SLC35F2: variants seen among roughly 807,000 people sequenced by gnomAD.
The protein encoded by SLC35F2 is queuine/queuosine transporter SLC35F2.
SLC35F2 carries 25 observed loss-of-function variants against 38.1 expected under a neutral mutation model. That is an observed-to-expected ratio of 0.66 (90% CI 0.48 to 0.92). SLC35F2 has a LOEUF of 0.92. Among genes scored for constraint, SLC35F2 ranks in the 40% least tolerant of loss-of-function variants. SLC35F2 has a pLI of 0.00. For synonymous variants in SLC35F2, 173 were observed against 181.7 expected, an observed-to-expected ratio of 0.95 and a Z score of 0.38; for missense variants, 409 against 452.9, an observed-to-expected ratio of 0.90 and a Z score of 0.88.
chr11:107,842,020 C>G (rs1275510291), intron 1 of SLC35F2, among the ~76,000 whole-genome samples: 1 of 147,386 alleles, frequency 6.8e-6, no homozygotes, highest in Non-Finnish European at 1.5e-5. Context: ...GAGCTGAGAT[C>G]GTGCCACTGC....
chr11:107,801,760 C>G (rs1310998697), intron 7 of SLC35F2, among the ~76,000 whole-genome samples: 1 of 152,086 alleles, frequency 6.6e-6, no homozygotes, highest in Non-Finnish European at 1.5e-5. Flanking sequence ...ATGATGCAAT[C>G]ATAAGCTTGA....
intron 7 of SLC35F2, among the ~76,000 whole-genome samples, chr11:107,799,073 C>T (rs1240524069): frequency 1.3e-5 from 2 of 152,162 alleles, no homozygotes; most frequent in Non-Finnish European, 2.9e-5. Context: ...GAGACTCTGT[C>T]GCAAACAAAA....
At chr11:107,829,863 A>C (rs1440281982) in intron 1 of SLC35F2, among the ~76,000 whole-genome samples, 1 of 152,180 alleles carries the variant, frequency 6.6e-6, no homozygotes, top group African/African-American at 2.4e-5. Context: ...TAGTGGTGCT[A>C]GCAAGACCTA....
chr11:107,827,387 G>T (rs1025412210), intron 1 of SLC35F2, among the ~76,000 whole-genome samples: 2 of 150,942 alleles, frequency 1.3e-5, no homozygotes, highest in African/African-American at 4.9e-5. Flanking sequence ...GGCCAAGGTG[G>T]GTGGATCACT....
rs111525462 is a variant in SLC35F2 at position 107,837,698 on chromosome 11, T to C, written c.110+20960A>G. Among the ~76,000 whole-genome samples, 421 of 151,736 alleles carry C rather than the reference T, an allele frequency of 2.8e-3. 2 individuals carry two copies. The highest frequency in any genetic ancestry group is 4.4e-3 in the Non-Finnish European group (298 of 67,880). ...GACAGAGTGAGAGTTTGTCTCAAAA[T>C]AAAAATAAAAAAGTAAATTAATTGT... On this transcript the variant is annotated intron_variant, in intron 1 of 7. Coordinates refer to ENST00000525815, the MANE Select transcript of SLC35F2 (RefSeq NM_017515.5).
At chr11:107,839,086 T>C (rs934626901) in intron 1 of SLC35F2, among the ~76,000 whole-genome samples, 2 of 152,210 alleles carry the variant, frequency 1.3e-5, no homozygotes, top group Non-Finnish European at 2.9e-5. Flanking sequence ...TTCCATACAC[T>C]ACTTCCCTGA....
intron 7 of SLC35F2, among the ~76,000 whole-genome samples, chr11:107,800,742 T>C (rs1161295774): frequency 6.6e-6 from 1 of 152,096 alleles, no homozygotes; most frequent in African/African-American, 2.4e-5. Flanking sequence ...TTACCATATC[T>C]GGCTCATTAT....
intron 1 of SLC35F2, among the ~76,000 whole-genome samples, chr11:107,837,991 G>A (rs745435444): frequency 1.0e-4 from 15 of 150,094 alleles, no homozygotes; most frequent in Non-Finnish European, 1.6e-4. Context: ...CTTATTGAGT[G>A]TATACTATAT....
At chr11:107,849,628 G>A (rs1361228426) in intron 1 of SLC35F2, among the ~76,000 whole-genome samples, 1 of 119,496 alleles carries the variant, frequency 8.4e-6, no homozygotes, top group Admixed American at 9.9e-5. Context: ...GACAGAGCAA[G>A]ACTCCGTTTT....
At chr11:107,839,479 CAT>C (rs1456805623) in intron 1 of SLC35F2, among the ~76,000 whole-genome samples, 1 of 152,070 alleles carries the variant, frequency 6.6e-6, no homozygotes, top group Non-Finnish European at 1.5e-5. Flanking sequence ...AAAAAGAAAA[CAT>C]ATTACCCTGC....
intron 1 of SLC35F2, among the ~76,000 whole-genome samples, chr11:107,845,727 C>A (rs772958669): frequency 1.1e-4 from 16 of 151,744 alleles, no homozygotes; most frequent in Admixed American, 2.6e-4. Flanking sequence ...CTAAGACAGG[C>A]GGATCACTTC....
intron 1 of SLC35F2, among the ~76,000 whole-genome samples, chr11:107,845,141 A>G (rs1860086032): frequency 6.6e-6 from 1 of 152,168 alleles, no homozygotes; most frequent in South Asian, 2.1e-4. Flanking sequence ...TCTTCCCCCA[A>G]GTATATCCTA....
chr11:107,824,080 A>G (rs1859717704), intron 1 of SLC35F2: 3 of 814,392 alleles, frequency 3.7e-6, no homozygotes, highest in Non-Finnish European at 3.0e-6. Context: ...AATTCTAGTA[A>G]GCATGAGTAG....
chr11:107,823,265 GA>G, intron 1 of SLC35F2: 1 of 963,336 alleles, frequency 1.0e-6, no homozygotes. Flanking sequence ...CTTTTTATTT[GA>G]AAAAAAGGAG....
intron 3 of SLC35F2, among the ~76,000 whole-genome samples, chr11:107,807,808 C>T (rs910810725): frequency 2.6e-5 from 4 of 152,136 alleles, no homozygotes; most frequent in Non-Finnish European, 5.9e-5. Flanking sequence ...CTCCTGATGT[C>T]AGGTGATCTG....
intron 1 of SLC35F2, among the ~76,000 whole-genome samples, chr11:107,818,338 C>A (rs1020667082): frequency 6.6e-6 from 1 of 151,886 alleles, no homozygotes; most frequent in Non-Finnish European, 1.5e-5. Flanking sequence ...GGCTGAGGCA[C>A]AAGAATAGCT....
At chr11:107,804,692 C>T (rs1187757330) in intron 6 of SLC35F2, 26 bp downstream of exon 6, 4 of 1,534,138 alleles carry the variant, frequency 2.6e-6, no homozygotes, top group Non-Finnish European at 3.6e-6. Context: ...AGAATGCTGA[C>T]TAAAAGGAAT....
At chr11:107,821,916 A>G (rs1859677381) in intron 1 of SLC35F2, among the ~76,000 whole-genome samples, 1 of 152,188 alleles carries the variant, frequency 6.6e-6, no homozygotes, top group Non-Finnish European at 1.5e-5. Flanking sequence ...CCACATTACT[A>G]TTAGAATCTA....
intron 1 of SLC35F2, among the ~76,000 whole-genome samples, chr11:107,853,351 A>G (rs1481805419): frequency 6.6e-6 from 1 of 152,200 alleles, no homozygotes; most frequent in Non-Finnish European, 1.5e-5. Context: ...GCAGGAACTT[A>G]GTCCTATTCG....
Sources: allele counts gnomAD v4.1 joint callset (sites outside exome capture counted in the v4.1 genomes callset), GRCh38; gene constraint gnomAD v4.1.1; transcripts MANE v1.5; gene names NCBI Gene and HGNC (gene_info 2026-07-23, HGNC 2026-07-21).